The following SAMD12 variants were observed in gnomAD, a reference collection of about 807,000 sequenced individuals.
The protein encoded by SAMD12 is sterile alpha motif domain containing 12.
A neutral mutation model predicts 15.0 loss-of-function variants in SAMD12; 9 were observed. The ratio of observed to expected loss-of-function variants is 0.60; its 90% CI spans 0.36 to 1.05. SAMD12 has a LOEUF of 1.05. Ranked by LOEUF, SAMD12 falls within the 50% of genes least tolerant of loss-of-function variation. SAMD12 has a pLI of 0.01. For missense variants in SAMD12, 230 were observed against 234.2 expected, an observed-to-expected ratio of 0.98 and a Z score of 0.12; for synonymous variants, 86 against 90.1, an observed-to-expected ratio of 0.96 and a Z score of 0.25.
chr8:118,361,806 A>G (rs1356554513), intron 4 of SAMD12, among the ~76,000 whole-genome samples: 2 of 152,200 alleles, frequency 1.3e-5, no homozygotes, highest in African/African-American at 4.8e-5. Context: ...GGGTGGAGCA[A>G]TAATTTGTGA....
intron 4 of SAMD12, among the ~76,000 whole-genome samples, chr8:118,238,427 C>T (rs1812482782): frequency 1.3e-5 from 2 of 152,072 alleles, no homozygotes; most frequent in African/African-American, 2.4e-5. Flanking sequence ...AACGGAATTT[C>T]CTCCTATTAT....
intron 4 of SAMD12, chr8:118,240,094 G>A (rs1175903274): frequency 6.6e-6 from 1 of 152,106 alleles, no homozygotes; most frequent in Non-Finnish European, 1.5e-5. Flanking sequence ...AATCCCTGTA[G>A]GGTATCTTTA....
chr8:118,214,164 T>G (rs1811902483), intron 4 of SAMD12, among the ~76,000 whole-genome samples: 1 of 152,192 alleles, frequency 6.6e-6, no homozygotes, highest in South Asian at 2.1e-4. Context: ...CAGTCATAGG[T>G]TATTCAGAAT....
At chr8:118,170,382 C>T in the SAMD12 span, among the ~76,000 whole-genome samples, 1 of 152,106 alleles carries the variant, frequency 6.6e-6, no homozygotes, top group Non-Finnish European at 1.5e-5. Context: ...AGAGGTCATA[C>T]TCTATACTAT....
intron 1 of SAMD12, among the ~76,000 whole-genome samples, chr8:118,611,253 T>G (rs1038716152): frequency 1.3e-5 from 2 of 152,118 alleles, no homozygotes; most frequent in African/African-American, 2.4e-5. Flanking sequence ...ATCAGTCCCA[T>G]AGTTTATCCA....
At chr8:118,566,750 C>A (rs1051730887) in intron 2 of SAMD12, among the ~76,000 whole-genome samples, 1 of 152,164 alleles carries the variant, frequency 6.6e-6, no homozygotes, top group Admixed American at 6.5e-5. Flanking sequence ...AGCTTCTTGA[C>A]AACTCCAAAT....
chr8:118,400,065 T>C (rs1407635651), intron 3 of SAMD12, among the ~76,000 whole-genome samples: 1 of 152,244 alleles, frequency 6.6e-6, no homozygotes, highest in Non-Finnish European at 1.5e-5. Flanking sequence ...GAGCACTATA[T>C]AATCACAGTG....
chr8:118,173,861 C>G, the SAMD12 span, among the ~76,000 whole-genome samples: 2 of 151,982 alleles, frequency 1.3e-5, no homozygotes, highest in Non-Finnish European at 2.9e-5. Context: ...AACTCCTGAC[C>G]TCGGGTGATC....
At position 118,197,822 on chromosome 8, in the gene SAMD12, C is replaced by T. The variant is rs115576528; in HGVS notation, c.434-90G>A. 318 of 1,113,980 alleles carry T rather than the reference C, an allele frequency of 2.9e-4. 1 individual carries two copies. In the African/African-American group the frequency reaches 4.6e-3, roughly 16 times the overall value. The allele number at this position is 1,113,980 out of a possible 1,614,324, so 69.0% of individuals were successfully genotyped here. ...TAGCAATTATCTTATTCAAACAAAC[C>T]CTAACACCCTTAGGCCAAAGAGAAA... On this transcript the variant is annotated intron_variant, in intron 4 of 4. Transcript: ENST00000409003.
intron 2 of SAMD12, among the ~76,000 whole-genome samples, chr8:118,552,687 T>C (rs181930708): frequency 2.6e-5 from 4 of 152,100 alleles, no homozygotes; most frequent in Non-Finnish European, 5.9e-5. Flanking sequence ...CCACGGCAAT[T>C]AGGCAGGAGA....
chr8:118,520,106 G>A (rs1825349894), intron 2 of SAMD12, among the ~76,000 whole-genome samples: 1 of 152,106 alleles, frequency 6.6e-6, no homozygotes, highest in Non-Finnish European at 1.5e-5. Flanking sequence ...AGGGGAGGGT[G>A]AGTTCATTCC....
the SAMD12 span, among the ~76,000 whole-genome samples, chr8:118,142,351 T>C: frequency 6.6e-6 from 1 of 152,232 alleles, no homozygotes; most frequent in Non-Finnish European, 1.5e-5. Context: ...ACTTGGCTTA[T>C]AGCATCTCTA....
At chr8:118,516,162 T>G (rs1825239460) in intron 2 of SAMD12, among the ~76,000 whole-genome samples, 1 of 152,232 alleles carries the variant, frequency 6.6e-6, no homozygotes, top group East Asian at 1.9e-4. Context: ...AGCCACCTCC[T>G]GTTGGATCTT....
intron 2 of SAMD12, among the ~76,000 whole-genome samples, chr8:118,538,492 C>T (rs1476270708): frequency 6.6e-6 from 1 of 152,190 alleles, no homozygotes; most frequent in Non-Finnish European, 1.5e-5. Context: ...CCTGTGGACA[C>T]TGGTTGAGTT....
At chr8:118,498,735 T>A (rs1563895818) in intron 2 of SAMD12, among the ~76,000 whole-genome samples, 1 of 152,194 alleles carries the variant, frequency 6.6e-6, no homozygotes, top group African/African-American at 2.4e-5. Flanking sequence ...ATGGAAAGAA[T>A]ACACAGAGTT....
intron 2 of SAMD12, among the ~76,000 whole-genome samples, chr8:118,533,288 C>T (rs1440848754): frequency 6.6e-6 from 1 of 152,196 alleles, no homozygotes; most frequent in East Asian, 1.9e-4. Flanking sequence ...AGTTTGATTG[C>T]ACTATGGTCT....
intron 2 of SAMD12, among the ~76,000 whole-genome samples, chr8:118,473,434 C>A (rs1368011468): frequency 1.3e-5 from 2 of 152,182 alleles, no homozygotes; most frequent in African/African-American, 4.8e-5. Flanking sequence ...AGTCCCTGAT[C>A]CTGTAGTCCC....
At chr8:118,212,040 ATTTG>A (rs1405464228) in intron 4 of SAMD12, among the ~76,000 whole-genome samples, 3 of 149,624 alleles carry the variant, frequency 2.0e-5, no homozygotes, top group Admixed American at 1.3e-4. Context: ...AAAGGAGAAG[ATTTG>A]TGTGTGTGTT....
chr8:118,499,380 C>T (rs772912944), intron 2 of SAMD12, among the ~76,000 whole-genome samples: 1 of 152,134 alleles, frequency 6.6e-6, no homozygotes, highest in Admixed American at 6.5e-5. Context: ...CAGTGACTTA[C>T]TGTAAAGAAT....
Sources: allele counts gnomAD v4.1 joint callset (sites outside exome capture counted in the v4.1 genomes callset), GRCh38; gene constraint gnomAD v4.1.1; transcripts MANE v1.5; gene names NCBI Gene and HGNC (gene_info 2026-07-23, HGNC 2026-07-21).